Variants in MRPS25 observed in about 807,000 individuals in gnomAD.
MRPS25 encodes small ribosomal subunit protein mS25.
Under a neutral mutation model 17.3 loss-of-function variants are expected in MRPS25, and 15 were observed. The observed-to-expected ratio is 0.87, with a 90% CI of 0.58 to 1.34. MRPS25 has a LOEUF of 1.34. MRPS25 is among the 40% of genes most tolerant of loss of function. MRPS25 has a pLI of 0.00. For synonymous variants in MRPS25, 94 were observed against 83.3 expected (o/e 1.13, Z -0.70); for missense variants, 225 against 218.6 (o/e 1.03, Z -0.19).
chr3:15,061,132 A>T (rs957439887), intron 1 of MRPS25, among the ~76,000 whole-genome samples: 1 of 152,186 alleles, frequency 6.6e-6, no homozygotes, highest in Non-Finnish European at 1.5e-5. Context: ...ACAGAAATGC[A>T]ACAGAGATCT....
Position 15,052,489 on chromosome 3 carries a change from C to T in MRPS25, c.474G>A (p.Glu158=). 1 of 1,614,202 alleles carries T rather than the reference C, an allele frequency of 6.2e-7. No homozygotes were observed. The highest frequency in any genetic ancestry group is 8.5e-7 in the Non-Finnish European group (1 of 1,180,036). The change falls in exon 4 of 4, where the codon GAG becomes GAA. Residue 158 remains glutamate (E), a synonymous_variant. Coordinates refer to ENST00000253686, the MANE Select transcript of MRPS25 (RefSeq NM_022497.5). ...GAGCGGCTTTGTACTTCCCCCTCATCTCCTTGGGTAATGGCACCAGGCTGG... is the reference window on the plus strand; with the variant it reads ...GAGCGGCTTTGTACTTCCCCCTCATTTCCTTGGGTAATGGCACCAGGCTGG... The part of the protein sequence containing the change: ...PCPSLVPLPK[E]MRGKYKAALK...
Position 15,050,867 on chromosome 3 carries a change from G to GTGA in MRPS25, c.*1571_*1573dup, listed in dbSNP as rs1293513950. ...AAGATCCAAATCTGCTCAATTTAAT[G>GTGA]TGATAATCTCCAACAGTTAATGAAA... On this transcript the variant is annotated 3_prime_UTR_variant, in exon 4 of 4. Transcript: ENST00000253686. 1.3e-5 allele frequency: 13 copies of GTGA among 985,060 alleles called. No homozygotes were observed. The highest frequency in any genetic ancestry group is 9.4e-5 in the South Asian group (2 of 21,278). 61.0% of individuals were successfully genotyped at this position (985,060 alleles called of 1,614,324 possible). A position where few individuals can be genotyped will look rare whatever the true frequency, so the allele number is the denominator to read the frequency against.
chr3:15,052,643 A>G lies in MRPS25; in HGVS notation c.330-10T>C, dbSNP rs2042619968. 5.0e-6 allele frequency: 8 copies of G among 1,611,394 alleles called. No individual in the cohort carries two copies. The highest frequency in any genetic ancestry group is 6.8e-6 in the Non-Finnish European group (8 of 1,178,416). On this transcript the variant is annotated splice_polypyrimidine_tract_variant and intron_variant, in intron 3 of 3. Transcript: ENST00000253686. ...TTCCCTGAGGGTTTCCCTGCCAAAG[A>G]GCACAGACGGCAACCAAGCATTGGC...
intron 1 of MRPS25, among the ~76,000 whole-genome samples, chr3:15,064,675 C>G (rs1175744979): frequency 6.6e-6 from 1 of 152,248 alleles, no homozygotes; most frequent in African/African-American, 2.4e-5. Context: ...TCATTTTATC[C>G]TCAGATTCGT....
Position 15,050,883 on chromosome 3 carries a change from G to GTT in MRPS25, c.*1556_*1557dup. 1 of 985,330 alleles carries GTT rather than the reference G, an allele frequency of 1.0e-6. No individual in the cohort carries two copies. The highest frequency in any genetic ancestry group is 1.2e-6 in the Non-Finnish European group (1 of 829,922). The allele number at this position is 985,330 out of a possible 1,614,324, so 61.0% of individuals were successfully genotyped here. On this transcript the variant is annotated 3_prime_UTR_variant, in exon 4 of 4. Transcript: ENST00000253686. Reference sequence around the variant, plus strand: ...CAATTTAATGTGATAATCTCCAACAGTTAATGAAACACATCGTAGTATGAC... The same window carrying GTT: ...CAATTTAATGTGATAATCTCCAACAGTTTTAATGAAACACATCGTAGTATGAC...
intron 1 of MRPS25, among the ~76,000 whole-genome samples, chr3:15,061,783 C>A (rs1240693707): frequency 6.6e-6 from 1 of 151,714 alleles, no homozygotes; most frequent in Admixed American, 6.6e-5. Flanking sequence ...CGCCTTTGCC[C>A]CGCCGCCCCA....
intron 1 of MRPS25, 81 bp downstream of exon 1, chr3:15,064,980 G>T (rs2042833763): frequency 6.6e-7 from 1 of 1,513,026 alleles, no homozygotes; most frequent in Non-Finnish European, 8.9e-7. Flanking sequence ...GCCGCCCAGA[G>T]CGACTCGGGA....
intron 2 of MRPS25, among the ~76,000 whole-genome samples, chr3:15,054,986 A>G (rs2042651831): frequency 6.6e-6 from 1 of 152,242 alleles, no homozygotes; most frequent in African/African-American, 2.4e-5. Flanking sequence ...ATGTACAGGA[A>G]GCACAGCAGC....
intron 3 of MRPS25, 24 bp from the exon 4 acceptor site, chr3:15,052,657 C>T: frequency 1.2e-6 from 2 of 1,607,124 alleles, no homozygotes; most frequent in Non-Finnish European, 1.7e-6. Flanking sequence ...CAGACGGCAA[C>T]CAAGCATTGG....
chr3:15,062,634 A>G (rs1261672363), intron 1 of MRPS25, among the ~76,000 whole-genome samples: 1 of 152,158 alleles, frequency 6.6e-6, no homozygotes, highest in Non-Finnish European at 1.5e-5. Flanking sequence ...AAAGGGGGGA[A>G]AGGTGGGGAA....
chr3:15,044,531 C>CT (rs2042383621), downstream of MRPS25: 1 of 152,244 alleles, frequency 6.6e-6, no homozygotes, highest in African/African-American at 2.4e-5. Context: ...CAAGCTTTTC[C>CT]TGTTTGAGAA....
At chr3:15,064,658 AT>A (rs1253771731) in intron 1 of MRPS25, among the ~76,000 whole-genome samples, 1 of 152,112 alleles carries the variant, frequency 6.6e-6, no homozygotes, top group East Asian at 1.9e-4. Flanking sequence ...CGCCGCTGTT[AT>A]TTCTCTCATT....
intron 1 of MRPS25, among the ~76,000 whole-genome samples, chr3:15,062,526 T>TGAG (rs1439602949): frequency 6.0e-5 from 9 of 150,256 alleles, no homozygotes; most frequent in Admixed American, 5.9e-4. Flanking sequence ...TACTGGGAAG[T>TGAG]GAGGAGCCCC....
intron 1 of MRPS25, among the ~76,000 whole-genome samples, chr3:15,060,966 A>C (rs1315250208): frequency 5.9e-5 from 9 of 152,186 alleles, no homozygotes; most frequent in Admixed American, 5.9e-4. Context: ...CACAGCACAC[A>C]GACCTGGGAG....
Position 15,048,854 on chromosome 3 carries a change from C to G in MRPS25, c.*3587G>C, listed in dbSNP as rs539393985. 18 of 152,748 alleles carry G rather than the reference C, an allele frequency of 1.2e-4. No individual in the cohort carries two copies. The highest frequency in any genetic ancestry group is 4.3e-4 in the African/African-American group (18 of 41,576). The allele number at this position is 152,748 out of a possible 1,614,324, so 9.5% of individuals were successfully genotyped here. A position where few individuals can be genotyped will look rare whatever the true frequency, so the allele number is the denominator to read the frequency against. On this transcript the variant is annotated 3_prime_UTR_variant, in exon 4 of 4. Coordinates refer to ENST00000253686, the MANE Select transcript of MRPS25 (RefSeq NM_022497.5). ...TTAGAATGTAACTGCATTACCAGCC[C>G]TTTTAAAGGCATCTATCTATCAAAG... is the stretch of plus-strand genomic sequence containing the variant.
chr3:15,043,823 G>A (rs115300834), downstream of MRPS25: 58 of 152,336 alleles, frequency 3.8e-4, no homozygotes, highest in African/African-American at 1.3e-3. Flanking sequence ...CTGGTTATCT[G>A]AATTGGATTG....
In MRPS25 at chr3:15,048,519, A is replaced by G. The variant is rs1219835115; in HGVS notation, c.*3922T>C. 6.6e-6 allele frequency: 1 copy of G among 152,652 alleles called. No individual in the cohort carries two copies. Among genetic ancestry groups the G allele is most frequent in the Admixed American group, 6.5e-5 (1 of 15,286 alleles). 9.5% of individuals were successfully genotyped at this position (152,652 alleles called of 1,614,324 possible). ...ATATTTATACATGCAAAATAGAAAAAAAATGTTCAACATTTATTGATTGAT... is the reference window on the plus strand; with the variant it reads ...ATATTTATACATGCAAAATAGAAAAGAAATGTTCAACATTTATTGATTGAT... On this transcript the variant is annotated 3_prime_UTR_variant, in exon 4 of 4. Coordinates refer to ENST00000253686, the MANE Select transcript of MRPS25 (RefSeq NM_022497.5).
intron 2 of MRPS25, among the ~76,000 whole-genome samples, chr3:15,054,349 G>A (rs1003318511): frequency 7.9e-5 from 12 of 152,264 alleles, no homozygotes; most frequent in African/African-American, 2.9e-4. Context: ...TCAACAAATG[G>A]CGCTGGGATA....
rs2042804537 is a variant in MRPS25 at position 15,063,273 on chromosome 3, G to GTT, written c.134+1787_134+1788insAA. On this transcript the variant is annotated intron_variant, in intron 1 of 3. Transcript: ENST00000253686. ...CTGTCACCATCAAATTCACCCTGAG[G>GTT]CTTGGGGACCACTTGTTCAGGGTAG... Among the ~76,000 whole-genome samples, 12 of 152,336 alleles carry GTT rather than the reference G, an allele frequency of 7.9e-5. No individual in the cohort carries two copies. The South Asian group carries it at 2.5e-3, about 32-fold the overall frequency.
Sources: allele counts gnomAD v4.1 joint callset (sites outside exome capture counted in the v4.1 genomes callset), GRCh38; gene constraint gnomAD v4.1.1; transcripts MANE v1.5; gene names NCBI Gene and HGNC (gene_info 2026-07-23, HGNC 2026-07-21).